The following FOXP2 variants were observed in gnomAD, a reference collection of about 807,000 sequenced individuals.
FOXP2 encodes forkhead box P2.
A neutral mutation model predicts 115.8 loss-of-function variants in FOXP2; 12 were observed. The ratio of observed to expected loss-of-function variants is 0.10; its 90% CI spans 0.07 to 0.17. The LOEUF (loss-of-function observed/expected upper bound fraction) is 0.17. Among genes scored for constraint, FOXP2 ranks in the 10% least tolerant of loss-of-function variants. The probability of loss-of-function intolerance (pLI) is 1.00; values close to 1 mark genes in which losing one functional copy is unlikely to be tolerated. For synonymous variants in FOXP2, 328 were observed against 297.7 expected (o/e 1.10, Z -1.05); for missense variants, 629 against 843.5 (o/e 0.75, Z 3.15).
intron 1 of FOXP2, among the ~76,000 whole-genome samples, chr7:114,205,629 A>G (rs973273833): frequency 6.6e-6 from 1 of 152,190 alleles, no homozygotes; most frequent in Non-Finnish European, 1.5e-5. Flanking sequence ...ATTAGCATTC[A>G]GTATATAATT....
At chr7:114,324,614 CA>C in intron 2 of FOXP2, among the ~76,000 whole-genome samples, 1 of 151,846 alleles carries the variant, frequency 6.6e-6, no homozygotes, top group Non-Finnish European at 1.5e-5. Context: ...TACCTATTCC[CA>C]ATAATTATTC....
chr7:114,668,211 G>A (rs1807281181), intron 16 of FOXP2: 1 of 152,038 alleles, frequency 6.6e-6, no homozygotes, highest in Admixed American at 6.6e-5. Context: ...ATTCTACGTG[G>A]TAGAATATGA....
At chr7:114,658,662 C>T (rs1349306682) in intron 11 of FOXP2, among the ~76,000 whole-genome samples, 1 of 152,204 alleles carries the variant, frequency 6.6e-6, no homozygotes, top group Non-Finnish European at 1.5e-5. Context: ...TCGAGGTTTA[C>T]ATGAATCAGT....
At chr7:114,182,010 A>G (rs1236746775) in intron 1 of FOXP2, among the ~76,000 whole-genome samples, 1 of 152,072 alleles carries the variant, frequency 6.6e-6, no homozygotes, top group African/African-American at 2.4e-5. Context: ...GCAAATATAT[A>G]TCATATACAT....
intron 2 of FOXP2, among the ~76,000 whole-genome samples, chr7:114,313,258 T>A (rs542100271): frequency 6.6e-6 from 1 of 152,356 alleles, no homozygotes; most frequent in South Asian, 2.1e-4. Context: ...TCTTCTGTGA[T>A]GAATTATTTG....
chr7:114,326,027 A>T (rs1057202514), intron 2 of FOXP2, among the ~76,000 whole-genome samples: 1 of 152,118 alleles, frequency 6.6e-6, no homozygotes, highest in African/African-American at 2.4e-5. Flanking sequence ...AGGTAACTCC[A>T]ACGTGAAGTT....
intron 16 of FOXP2, among the ~76,000 whole-genome samples, chr7:114,678,375 G>C (rs1199100814): frequency 6.6e-6 from 1 of 152,164 alleles, no homozygotes; most frequent in East Asian, 1.9e-4. Context: ...AGGAGTTTGA[G>C]AGCCGTGTCT....
chr7:114,127,276 A>G (rs948047796), intron 1 of FOXP2, among the ~76,000 whole-genome samples: 1 of 152,164 alleles, frequency 6.6e-6, no homozygotes, highest in Non-Finnish European at 1.5e-5. Context: ...TTATGTAACA[A>G]TCATGGTAGT....
At chr7:114,446,044 T>G (rs903869305) in intron 2 of FOXP2, among the ~76,000 whole-genome samples, 1 of 149,646 alleles carries the variant, frequency 6.7e-6, no homozygotes, top group Non-Finnish European at 1.5e-5. Context: ...ATTAACTAGT[T>G]TTTTTGCTTT....
At position 114,240,686 on chromosome 7, in the gene FOXP2, T is replaced by C. The variant is rs532628128; in HGVS notation, c.-101-47333T>C. Among the ~76,000 whole-genome samples, 37 of 152,078 alleles carry C rather than the reference T, an allele frequency of 2.4e-4. No individual in the cohort carries two copies. In the East Asian group the frequency reaches 5.0e-3, roughly 21 times the overall value. ...TATCTAGTTTTGCTATACAGATTCT[T>C]GAAAATATTTTCAAAAAAAAACCCT... On this transcript the variant is annotated intron_variant, in intron 1 of 17. Transcript: ENST00000634411.
intron 2 of FOXP2, among the ~76,000 whole-genome samples, chr7:114,496,386 A>G (rs953076574): frequency 6.6e-6 from 1 of 152,164 alleles, no homozygotes; most frequent in Non-Finnish European, 1.5e-5. Flanking sequence ...ATTAAAATCT[A>G]ATTAAATTAG....
intron 1 of FOXP2, among the ~76,000 whole-genome samples, chr7:114,134,303 A>T (rs1166220803): frequency 1.3e-5 from 2 of 152,188 alleles, no homozygotes; most frequent in African/African-American, 2.4e-5. Flanking sequence ...GCTGTGGGGC[A>T]TGAGTGTAGT....
chr7:114,382,919 C>G (rs1024337346), intron 2 of FOXP2, among the ~76,000 whole-genome samples: 4 of 151,902 alleles, frequency 2.6e-5, no homozygotes, highest in Admixed American at 2.6e-4. Flanking sequence ...TAGTTTTCCT[C>G]AGTCCTTCTA....
chr7:114,538,435 A>G, intron 3 of FOXP2: 1 of 1,028,530 alleles, frequency 9.7e-7, no homozygotes, highest in Non-Finnish European at 1.3e-6. Context: ...TTAGCATTGT[A>G]ATCACTTCCT....
chr7:114,502,395 T>C (rs73436155), intron 2 of FOXP2, among the ~76,000 whole-genome samples: 1,701 of 152,234 alleles, frequency 0.011, 16 homozygotes, highest in Middle Eastern at 0.031. Flanking sequence ...CAAATTACTT[T>C]GTTCTCCAAC....
chr7:114,436,701 T>C (rs1463123568), intron 2 of FOXP2, among the ~76,000 whole-genome samples: 1 of 151,520 alleles, frequency 6.6e-6, no homozygotes, highest in Non-Finnish European at 1.5e-5. Context: ...TACATAAATA[T>C]GAAATTGTAA....
intron 1 of FOXP2, among the ~76,000 whole-genome samples, chr7:114,183,123 G>C (rs1168960339): frequency 1.3e-5 from 2 of 152,028 alleles, no homozygotes; most frequent in Non-Finnish European, 2.9e-5. Flanking sequence ...CTGTGTGTTT[G>C]CCAAGAAAAA....
At chr7:114,377,893 A>G (rs998996134) in intron 2 of FOXP2, among the ~76,000 whole-genome samples, 3 of 152,188 alleles carry the variant, frequency 2.0e-5, no homozygotes, top group African/African-American at 7.2e-5. Context: ...CAACCACAAG[A>G]GGACATCTCT....
intron 3 of FOXP2, among the ~76,000 whole-genome samples, chr7:114,564,766 A>T (rs1800923357): frequency 6.6e-6 from 1 of 151,788 alleles, no homozygotes; most frequent in South Asian, 2.1e-4. Flanking sequence ...TTGTAGTCCC[A>T]GCTACTCAGG....
Sources: allele counts gnomAD v4.1 joint callset (sites outside exome capture counted in the v4.1 genomes callset), GRCh38; gene constraint gnomAD v4.1.1; transcripts MANE v1.5; gene names NCBI Gene and HGNC (gene_info 2026-07-23, HGNC 2026-07-21).